MRPS27: variants seen among roughly 807,000 people sequenced by gnomAD.
MRPS27 encodes mitochondrial ribosomal protein S27.
In MRPS27, 43 loss-of-function variants were observed where a neutral mutation model predicts 48.9. The observed-to-expected ratio is 0.88, with a 90% CI of 0.69 to 1.13. The LOEUF (loss-of-function observed/expected upper bound fraction) is 1.13, where lower values mean the gene tolerates loss of function less well. MRPS27 is among the 50% of genes most tolerant of loss of function. The pLI is 0.00. For missense variants in MRPS27, 467 were observed against 476.3 expected (o/e 0.98, Z 0.18); for synonymous variants, 188 against 171.9 (o/e 1.09, Z -0.73).
intron 2 of MRPS27, among the ~76,000 whole-genome samples, chr5:72,300,194 A>G (rs1750090721): frequency 6.6e-6 from 1 of 152,230 alleles, no homozygotes; most frequent in South Asian, 2.1e-4. Context: ...CTTGACTTCT[A>G]TCATTTGATA....
rs377666677 is a variant in MRPS27 at position 72,255,868 on chromosome 5, A to G, written c.282-17740T>C. 3.9e-5 allele frequency among the ~76,000 whole-genome samples: 6 copies of G among 152,198 alleles called. No individual in the cohort carries two copies. The South Asian group carries it at 1.0e-3, about 26-fold the overall frequency. ...AGGTGATCTAGGGAGCAAAGTCTCT[A>G]TCAACTTTGAACCAACAACTGGGGC... On this transcript the variant is annotated intron_variant, in intron 4 of 10. Transcript: ENST00000261413.
At chr5:72,306,106 T>A (rs1750260433) in intron 2 of MRPS27, among the ~76,000 whole-genome samples, 1 of 152,240 alleles carries the variant, frequency 6.6e-6, no homozygotes. Context: ...AATGACATTT[T>A]AAGAAGTCCT....
At chr5:72,282,647 A>G (rs1341199976) in intron 4 of MRPS27, among the ~76,000 whole-genome samples, 1 of 152,220 alleles carries the variant, frequency 6.6e-6, no homozygotes, top group Non-Finnish European at 1.5e-5. Flanking sequence ...GATTTACTTT[A>G]GCCTTCTCCT....
At chr5:72,251,828 C>A (rs1284956229) in intron 4 of MRPS27, among the ~76,000 whole-genome samples, 1 of 152,176 alleles carries the variant, frequency 6.6e-6, no homozygotes, top group Non-Finnish European at 1.5e-5. Context: ...CCAACTAAAG[C>A]AAAGCATTTG....
chr5:72,248,863 G>C (rs1205826051), intron 4 of MRPS27, among the ~76,000 whole-genome samples: 4 of 152,278 alleles, frequency 2.6e-5, no homozygotes, highest in African/African-American at 9.6e-5. Flanking sequence ...TTGATCATGT[G>C]TCAGATCATG....
At chr5:72,317,802 C>T (rs1238237433) in intron 1 of MRPS27, among the ~76,000 whole-genome samples, 1 of 152,102 alleles carries the variant, frequency 6.6e-6, no homozygotes, top group East Asian at 1.9e-4. Flanking sequence ...ATTCTCCTGC[C>T]CCAGGGGGAT....
In MRPS27 at chr5:72,320,140, C is replaced by G. The variant is rs1187341036; in HGVS notation, c.73+9G>C. 1.2e-6 allele frequency: 2 copies of G among 1,613,442 alleles called. No homozygotes were observed. Among genetic ancestry groups the G allele is most frequent in the East Asian group, 2.2e-5 (1 of 44,870 alleles). Reference sequence around the variant, plus strand: ...ATAATCAGGGGCCTAATGAAGCTGTCCGGCCAACCTGCAGGAGAGAGCTGA... The same window carrying G: ...ATAATCAGGGGCCTAATGAAGCTGTGCGGCCAACCTGCAGGAGAGAGCTGA... On this transcript the variant is annotated intron_variant, in intron 1 of 10. Transcript: ENST00000261413.
intron 4 of MRPS27, among the ~76,000 whole-genome samples, chr5:72,276,939 G>A (rs923929696): frequency 2.0e-5 from 3 of 152,108 alleles, no homozygotes; most frequent in Admixed American, 2.0e-4. Flanking sequence ...GCTGAGGCAG[G>A]AGAATTGCTT....
chr5:72,264,423 AAG>A (rs144245905), intron 4 of MRPS27, among the ~76,000 whole-genome samples: 22 of 152,322 alleles, frequency 1.4e-4, no homozygotes, highest in Middle Eastern at 6.8e-3. Context: ...TTTAAAAAAA[AAG>A]AGAGAGAGAC....
At chr5:72,285,724 T>G (rs1377446697) in intron 4 of MRPS27, among the ~76,000 whole-genome samples, 2 of 152,224 alleles carry the variant, frequency 1.3e-5, no homozygotes, top group Non-Finnish European at 2.9e-5. Context: ...GGAGTCTCAC[T>G]ATGTTGCTCA....
At chr5:72,262,595 C>CACTATT (rs1197776116) in intron 4 of MRPS27, among the ~76,000 whole-genome samples, 1 of 152,014 alleles carries the variant, frequency 6.6e-6, no homozygotes. Flanking sequence ...AAAACATCTA[C>CACTATT]ACTATAATCA....
intron 4 of MRPS27, among the ~76,000 whole-genome samples, chr5:72,248,972 C>T (rs1748584041): frequency 6.6e-6 from 1 of 152,194 alleles, no homozygotes. Flanking sequence ...AACAATTACA[C>T]TGAGTTCGAA....
chr5:72,295,883 A>T lies in MRPS27; in HGVS notation c.223-294T>A, dbSNP rs534219140. On this transcript the variant is annotated intron_variant, in intron 3 of 10. Coordinates refer to ENST00000261413, the MANE Select transcript of MRPS27 (RefSeq NM_015084.3). ...TTGCTCAGAACAAGGAGAGTGTTCC[A>T]CTGATTATAACTAGTTACCTATTTT... is the stretch of plus-strand genomic sequence containing the variant. Among the ~76,000 whole-genome samples, 8 of 152,298 alleles carry T rather than the reference A, an allele frequency of 5.3e-5. No homozygotes were observed. In the South Asian group the frequency reaches 8.3e-4, roughly 16 times the overall value.
At chr5:72,238,891 G>A (rs1748276147) in intron 4 of MRPS27, among the ~76,000 whole-genome samples, 1 of 152,118 alleles carries the variant, frequency 6.6e-6, no homozygotes, top group African/African-American at 2.4e-5. Flanking sequence ...TAACACCTGG[G>A]ATGGAAGCTG....
intron 10 of MRPS27, among the ~76,000 whole-genome samples, chr5:72,222,065 G>A (rs1242274358): frequency 1.3e-5 from 2 of 152,232 alleles, no homozygotes; most frequent in East Asian, 3.8e-4. Context: ...ACAGGGTTGG[G>A]GGTGGGCAGG....
intron 4 of MRPS27, among the ~76,000 whole-genome samples, chr5:72,249,642 G>A (rs1454142926): frequency 2.6e-5 from 4 of 151,758 alleles, no homozygotes; most frequent in Non-Finnish European, 4.4e-5. Context: ...CCAAGATGGC[G>A]CCACTGCACT....
At chr5:72,261,288 G>A (rs1394208172) in intron 4 of MRPS27, among the ~76,000 whole-genome samples, 1 of 151,582 alleles carries the variant, frequency 6.6e-6, no homozygotes, top group African/African-American at 2.4e-5. Context: ...GTCTCGTTTT[G>A]TTGCCCAGGC....
At chr5:72,285,037 A>G (rs531102859) in intron 4 of MRPS27, among the ~76,000 whole-genome samples, 18 of 152,324 alleles carry the variant, frequency 1.2e-4, no homozygotes, top group African/African-American at 4.1e-4. Context: ...ATGCTGCCAA[A>G]GTTCTATCTA....
intron 4 of MRPS27, among the ~76,000 whole-genome samples, chr5:72,250,777 A>ATC (rs1460457370): frequency 6.6e-6 from 1 of 152,116 alleles, no homozygotes; most frequent in Non-Finnish European, 1.5e-5. Flanking sequence ...TAAAATATAT[A>ATC]TTTTTAAAGA....
Sources: allele counts gnomAD v4.1 joint callset (sites outside exome capture counted in the v4.1 genomes callset), GRCh38; gene constraint gnomAD v4.1.1; transcripts MANE v1.5; gene names NCBI Gene and HGNC (gene_info 2026-07-23, HGNC 2026-07-21).